The following COG5 variants were observed in gnomAD, a reference collection of about 807,000 sequenced individuals.
The protein encoded by COG5 is conserved oligomeric Golgi complex subunit 5.
Under a neutral mutation model 110.4 loss-of-function variants are expected in COG5, and 86 were observed. That is an observed-to-expected ratio of 0.78 (90% CI 0.65 to 0.93). The LOEUF is 0.93. Among genes scored for constraint, COG5 ranks in the 40% least tolerant of loss-of-function variants. COG5 has a pLI of 0.00. For missense variants in COG5, 1,077 were observed against 987.0 expected (o/e 1.09, Z -1.22); for synonymous variants, 360 against 334.6 (o/e 1.08, Z -0.83).
chr7:107,220,483 G>A (rs1322081769), intron 19 of COG5, among the ~76,000 whole-genome samples: 1 of 152,192 alleles, frequency 6.6e-6, no homozygotes, highest in Non-Finnish European at 1.5e-5. Flanking sequence ...ACTGACTCTG[G>A]GTTGGAATGA....
chr7:107,248,501 T>TAAAAAAAAAAAA lies in COG5; in HGVS notation c.1750-14_1750-3dup. On this transcript the variant is annotated splice_region_variant and splice_polypyrimidine_tract_variant and intron_variant, in intron 16 of 21. Coordinates refer to ENST00000297135, the MANE Select transcript of COG5 (RefSeq NM_006348.5). Reference sequence around the variant, plus strand: ...ATTTTCCATAAGAGCATGAATAGCCTAAAAAAAAAAAAGAAAGAAAAAAAA... The same window carrying TAAAAAAAAAAAA: ...ATTTTCCATAAGAGCATGAATAGCCTAAAAAAAAAAAAAAAAAAAAAAAAGAAAGAAAAAAAA... 7.9e-7 allele frequency: 1 copy of TAAAAAAAAAAAA among 1,268,810 alleles called. No homozygotes were observed. The highest frequency in any genetic ancestry group is 1.1e-6 in the Non-Finnish European group (1 of 929,410). 78.6% of individuals were successfully genotyped at this position (1,268,810 alleles called of 1,614,324 possible).
At chr7:107,528,532 T>C (rs1467033777) in intron 5 of COG5, among the ~76,000 whole-genome samples, 1 of 152,204 alleles carries the variant, frequency 6.6e-6, no homozygotes, top group Non-Finnish European at 1.5e-5. Context: ...TCATGTATTT[T>C]AGGACACTTT....
chr7:107,363,898 T>C (rs1242096859), intron 8 of COG5, among the ~76,000 whole-genome samples: 1 of 150,230 alleles, frequency 6.7e-6, no homozygotes, highest in Admixed American at 6.7e-5. Flanking sequence ...GAGGTTACAA[T>C]GAGCCGAGAT....
At chr7:107,470,425 T>G (rs888291770) in intron 6 of COG5, 1 of 152,184 alleles carries the variant, frequency 6.6e-6, no homozygotes, top group Non-Finnish European at 1.5e-5. Context: ...ACATCAAGAA[T>G]TTATCAAATC....
At chr7:107,410,327 T>C (rs1303345191) in intron 7 of COG5, among the ~76,000 whole-genome samples, 1 of 152,134 alleles carries the variant, frequency 6.6e-6, no homozygotes, top group Non-Finnish European at 1.5e-5. Context: ...TTGATCAATT[T>C]AATATAAAAA....
chr7:107,506,610 C>T (rs930226055), intron 6 of COG5, among the ~76,000 whole-genome samples: 33 of 151,928 alleles, frequency 2.2e-4, no homozygotes, highest in African/African-American at 6.5e-4. Context: ...CCCAGCTCCC[C>T]GCATACTTCG....
intron 6 of COG5, among the ~76,000 whole-genome samples, chr7:107,511,406 G>C (rs1206966448): frequency 6.6e-6 from 1 of 152,076 alleles, no homozygotes; most frequent in Non-Finnish European, 1.5e-5. Context: ...ATAATCAATA[G>C]CTTACCAACC....
chr7:107,505,276 A>C (rs1281250997), intron 6 of COG5, among the ~76,000 whole-genome samples: 1 of 152,230 alleles, frequency 6.6e-6, no homozygotes, highest in Non-Finnish European at 1.5e-5. Context: ...TGGTGGGGAA[A>C]GGTCCCAGCC....
chr7:107,475,531 A>G, intron 6 of COG5: 1 of 492,352 alleles, frequency 2.0e-6, no homozygotes, highest in South Asian at 4.4e-5. Flanking sequence ...TTTCTTCATT[A>G]CTTAATGTAT....
intron 8 of COG5, among the ~76,000 whole-genome samples, chr7:107,369,051 A>G (rs1428497325): frequency 6.6e-6 from 1 of 152,190 alleles, no homozygotes; most frequent in Non-Finnish European, 1.5e-5. Flanking sequence ...CTTCCACCTC[A>G]GCATCCCAAG....
chr7:107,285,691 C>T lies in COG5; in HGVS notation c.1314-1959G>A, dbSNP rs138686800. ...CTAGGTGCAGAAATATAGTAGAGAA[C>T]TTGCTTTAAAAAAAAAATTCCCGGC... On this transcript the variant is annotated intron_variant, in intron 12 of 21. Transcript: ENST00000297135. 5.5e-4 allele frequency among the ~76,000 whole-genome samples: 83 copies of T among 151,720 alleles called. No individual in the cohort carries two copies. The Middle Eastern group carries it at 0.01, about 19-fold the overall frequency.
chr7:107,505,725 C>G (rs1798944089), intron 6 of COG5, among the ~76,000 whole-genome samples: 2 of 152,340 alleles, frequency 1.3e-5, no homozygotes, highest in South Asian at 2.1e-4. Context: ...GTGGAAAGAT[C>G]TGGGACTCAA....
At chr7:107,348,547 A>G (rs1485413235) in intron 10 of COG5, among the ~76,000 whole-genome samples, 2 of 152,152 alleles carry the variant, frequency 1.3e-5, no homozygotes, top group Non-Finnish European at 2.9e-5. Flanking sequence ...AAATCTGTCC[A>G]TTTCTACTTG....
At chr7:107,217,012 A>G (rs2116264471) in intron 19 of COG5, among the ~76,000 whole-genome samples, 2 of 152,244 alleles carry the variant, frequency 1.3e-5, no homozygotes, top group Middle Eastern at 6.8e-3. Flanking sequence ...GAAGACTTAA[A>G]TCAAATTGGA....
intron 6 of COG5, among the ~76,000 whole-genome samples, chr7:107,461,816 T>C (rs1468373798): frequency 6.6e-6 from 1 of 152,206 alleles, no homozygotes; most frequent in African/African-American, 2.4e-5. Flanking sequence ...AGTCTAGCAC[T>C]ACCCAACTTG....
intron 12 of COG5, among the ~76,000 whole-genome samples, chr7:107,295,099 A>ATTT (rs1331030154): frequency 3.4e-4 from 22 of 63,850 alleles, no homozygotes; most frequent in African/African-American, 7.7e-4. Flanking sequence ...ATATATATAT[A>ATTT]TATTTTTTTT....
chr7:107,262,773 G>A (rs1803464125), intron 14 of COG5, among the ~76,000 whole-genome samples: 1 of 152,008 alleles, frequency 6.6e-6, no homozygotes, highest in Non-Finnish European at 1.5e-5. Flanking sequence ...TGAAAAAATA[G>A]AAGCAATCAG....
In COG5 at chr7:107,526,284, A is replaced by C. The variant is rs1239304613; in HGVS notation, c.538+953T>G. ...ACTTCAGAAAAATAAGTGGGTACCC[A>C]GTGAAAAGAAGAAAACCACCAAGCC... On this transcript the variant is annotated intron_variant, in intron 6 of 21. Coordinates refer to ENST00000297135, the MANE Select transcript of COG5 (RefSeq NM_006348.5). Among the ~76,000 whole-genome samples the C allele has an allele frequency of 3.3e-5, 5 of 152,334 alleles. No individual in the cohort carries two copies. In the East Asian group the frequency reaches 9.7e-4, roughly 29 times the overall value.
chr7:107,293,276 C>G (rs983090128), intron 12 of COG5, among the ~76,000 whole-genome samples: 2 of 152,122 alleles, frequency 1.3e-5, no homozygotes, highest in Non-Finnish European at 2.9e-5. Flanking sequence ...CTCCTGACCT[C>G]GCTTACCTGA....
Sources: allele counts gnomAD v4.1 joint callset (sites outside exome capture counted in the v4.1 genomes callset), GRCh38; gene constraint gnomAD v4.1.1; transcripts MANE v1.5; gene names NCBI Gene and HGNC (gene_info 2026-07-23, HGNC 2026-07-21).